AUTS2: variants seen among roughly 807,000 people sequenced by gnomAD.
AUTS2 encodes autism susceptibility gene 2 protein.
In AUTS2, 17 loss-of-function variants were observed where a neutral mutation model predicts 112.4. The ratio of observed to expected loss-of-function variants is 0.15; its 90% CI spans 0.10 to 0.23. The LOEUF (loss-of-function observed/expected upper bound fraction) is 0.23. Among genes scored for constraint, AUTS2 ranks in the 10% least tolerant of loss-of-function variants. AUTS2 has a pLI of 1.00. For missense variants in AUTS2, 1,510 were observed against 1,701.6 expected, an observed-to-expected ratio of 0.89 and a Z score of 1.98; for synonymous variants, 751 against 702.7, an observed-to-expected ratio of 1.07 and a Z score of -1.09.
chr7:70,659,269 T>C (rs1187719994), intron 5 of AUTS2, among the ~76,000 whole-genome samples: 5 of 152,232 alleles, frequency 3.3e-5, no homozygotes, highest in African/African-American at 1.2e-4. Context: ...CAGCCTGAAC[T>C]GCGCGTTGGA....
chr7:70,302,969 AC>A (rs1363616072), intron 4 of AUTS2, among the ~76,000 whole-genome samples: 2 of 151,062 alleles, frequency 1.3e-5, no homozygotes, highest in Admixed American at 1.3e-4. Flanking sequence ...CTCTTTAAAA[AC>A]CAGCATCTAG....
intron 5 of AUTS2, among the ~76,000 whole-genome samples, chr7:70,617,333 T>C (rs979015680): frequency 5.9e-5 from 9 of 152,226 alleles, no homozygotes; most frequent in Non-Finnish European, 8.8e-5. Flanking sequence ...TAGTGGGATC[T>C]GACCTCCAGC....
At chr7:70,619,928 C>T (rs1392313755) in intron 5 of AUTS2, among the ~76,000 whole-genome samples, 3 of 152,188 alleles carry the variant, frequency 2.0e-5, no homozygotes, top group Non-Finnish European at 2.9e-5. Context: ...GAGTCCCAGC[C>T]ACAGAGCTGG....
At chr7:70,042,421 G>C (rs1399250166) in intron 2 of AUTS2, among the ~76,000 whole-genome samples, 4 of 152,082 alleles carry the variant, frequency 2.6e-5, no homozygotes. Context: ...AGTTTGTGTA[G>C]CTTAATTGCT....
chr7:69,627,552 C>G (rs1266149560), intron 1 of AUTS2, among the ~76,000 whole-genome samples: 1 of 152,036 alleles, frequency 6.6e-6, no homozygotes, highest in East Asian at 1.9e-4. Context: ...ACTTTAGTAG[C>G]TACTGTTGCA....
chr7:69,867,075 C>T (rs147795889), intron 1 of AUTS2, among the ~76,000 whole-genome samples: 1 of 152,280 alleles, frequency 6.6e-6, no homozygotes, highest in Non-Finnish European at 1.5e-5. Context: ...TGATGTGGGG[C>T]CTGCTCTGGT....
At chr7:69,815,524 C>CT (rs1790720866) in intron 1 of AUTS2, among the ~76,000 whole-genome samples, 1 of 151,300 alleles carries the variant, frequency 6.6e-6, no homozygotes, top group Non-Finnish European at 1.5e-5. Context: ...TTTATGACTA[C>CT]TTTTTTTTTG....
intron 1 of AUTS2, among the ~76,000 whole-genome samples, chr7:69,644,342 C>A (rs1356529714): frequency 6.7e-6 from 1 of 149,260 alleles, no homozygotes; most frequent in African/African-American, 2.5e-5. Flanking sequence ...TTTTTTTCTT[C>A]CAGGACAAAA....
At chr7:70,059,265 A>T (rs1027878776) in intron 2 of AUTS2, among the ~76,000 whole-genome samples, 2 of 152,226 alleles carry the variant, frequency 1.3e-5, no homozygotes, top group African/African-American at 4.8e-5. Context: ...ATATATATGT[A>T]GCCTTTCAGA....
chr7:70,088,148 G>C (rs1471519561), intron 2 of AUTS2, among the ~76,000 whole-genome samples: 1 of 151,756 alleles, frequency 6.6e-6, no homozygotes, highest in Admixed American at 6.6e-5. Flanking sequence ...TTTTGAGATG[G>C]AGTCTTGCTC....
intron 4 of AUTS2, among the ~76,000 whole-genome samples, chr7:70,297,306 G>A (rs1418761648): frequency 6.6e-6 from 1 of 152,056 alleles, no homozygotes; most frequent in Non-Finnish European, 1.5e-5. Flanking sequence ...AGCTGTCTAC[G>A]TAGTTAACTG....
chr7:70,438,781 C>T (rs12111684), intron 5 of AUTS2, among the ~76,000 whole-genome samples: 11,467 of 152,176 alleles, frequency 0.075, 555 homozygotes, highest in East Asian at 0.14. Context: ...TTGGAGGATT[C>T]GCATTCGAAT....
chr7:70,121,242 C>T (rs528762641), intron 3 of AUTS2, among the ~76,000 whole-genome samples: 13 of 152,074 alleles, frequency 8.5e-5, no homozygotes, highest in Non-Finnish European at 1.9e-4. Flanking sequence ...CACCATAAAA[C>T]TCTTAGAAGA....
chr7:70,552,126 G>A (rs1214787085), intron 5 of AUTS2, among the ~76,000 whole-genome samples: 1 of 152,176 alleles, frequency 6.6e-6, no homozygotes, highest in Admixed American at 6.5e-5. Flanking sequence ...GCATGTGCGT[G>A]TGTGTTTAAA....
intron 5 of AUTS2, among the ~76,000 whole-genome samples, chr7:70,579,054 G>A (rs1258259402): frequency 3.3e-5 from 5 of 149,450 alleles, no homozygotes; most frequent in South Asian, 4.2e-4. Context: ...TCAGCCTCTC[G>A]AATAGTTGGG....
intron 4 of AUTS2, among the ~76,000 whole-genome samples, chr7:70,407,047 G>C (rs944965405): frequency 3.3e-5 from 5 of 152,138 alleles, no homozygotes; most frequent in Admixed American, 2.6e-4. Context: ...CAAATAATCG[G>C]TAAGTTGCGG....
At chr7:69,887,357 A>C (rs1191118274) in intron 1 of AUTS2, among the ~76,000 whole-genome samples, 1 of 150,210 alleles carries the variant, frequency 6.7e-6, no homozygotes, top group Non-Finnish European at 1.5e-5. Flanking sequence ...TGGAGGTTGC[A>C]GTGAGCTGAG....
intron 4 of AUTS2, among the ~76,000 whole-genome samples, chr7:70,189,149 G>A (rs1486910895): frequency 6.6e-6 from 1 of 152,132 alleles, no homozygotes; most frequent in South Asian, 2.1e-4. Context: ...CATTTCTCAG[G>A]AGAGTGTGCC....
At chr7:69,815,734 C>T (rs954372573) in intron 1 of AUTS2, among the ~76,000 whole-genome samples, 7 of 152,128 alleles carry the variant, frequency 4.6e-5, no homozygotes, top group African/African-American at 7.2e-5. Flanking sequence ...AGGCTGGTCT[C>T]GAACCCTTGA....
Sources: allele counts gnomAD v4.1 joint callset (sites outside exome capture counted in the v4.1 genomes callset), GRCh38; gene constraint gnomAD v4.1.1; transcripts MANE v1.5; gene names NCBI Gene and HGNC (gene_info 2026-07-23, HGNC 2026-07-21).